ROBO1: variants seen among roughly 807,000 people sequenced by gnomAD.
The protein encoded by ROBO1 is roundabout homolog 1.
A neutral mutation model predicts 195.9 loss-of-function variants in ROBO1; 149 were observed. The ratio of observed to expected loss-of-function variants is 0.76; its 90% CI spans 0.67 to 0.87. The LOEUF (loss-of-function observed/expected upper bound fraction) is 0.87. Among genes scored for constraint, ROBO1 ranks in the 40% least tolerant of loss-of-function variants. The probability of loss-of-function intolerance (pLI) is 0.00; values close to 1 mark genes in which losing one functional copy is unlikely to be tolerated. For missense variants in ROBO1, 1,933 were observed against 2,068.3 expected, an observed-to-expected ratio of 0.93 and a Z score of 1.27; for synonymous variants, 816 against 733.2, an observed-to-expected ratio of 1.11 and a Z score of -1.82.
At chr3:79,108,803 A>G (rs2079832268) in intron 3 of ROBO1, among the ~76,000 whole-genome samples, 1 of 151,930 alleles carries the variant, frequency 6.6e-6, no homozygotes, top group Non-Finnish European at 1.5e-5. Flanking sequence ...AATTTGGCTC[A>G]GTACAGTTCT....
chr3:79,381,514 C>G (rs1283258838), intron 2 of ROBO1, among the ~76,000 whole-genome samples: 2 of 151,950 alleles, frequency 1.3e-5, no homozygotes, highest in African/African-American at 2.4e-5. Flanking sequence ...ATAGTTGTCA[C>G]TATCACTGTT....
chr3:78,886,662 C>T (rs1049169492), intron 4 of ROBO1, among the ~76,000 whole-genome samples: 1 of 151,888 alleles, frequency 6.6e-6, no homozygotes, highest in Non-Finnish European at 1.5e-5. Context: ...AGATGCCTTT[C>T]AAAAAGCGTT....
At chr3:79,590,826 TGATAGATA>T (rs770293787) in intron 1 of ROBO1, among the ~76,000 whole-genome samples, 2 of 151,536 alleles carry the variant, frequency 1.3e-5, no homozygotes, top group Admixed American at 6.6e-5. Flanking sequence ...GGTAGATAGA[TGATAGATA>T]GATAGATAGA....
chr3:78,671,871 C>T (rs1436762554), intron 10 of ROBO1, among the ~76,000 whole-genome samples: 4 of 152,148 alleles, frequency 2.6e-5, no homozygotes, highest in Non-Finnish European at 4.4e-5. Flanking sequence ...TCAATGTTCT[C>T]TATCTTTATG....
intron 2 of ROBO1, among the ~76,000 whole-genome samples, chr3:79,570,303 G>A (rs535130335): frequency 6.7e-6 from 1 of 148,512 alleles, no homozygotes; most frequent in Admixed American, 6.7e-5. Flanking sequence ...AAAAAAAACT[G>A]TTTTCTAATT....
At chr3:79,093,779 T>G (rs1644966300) in intron 3 of ROBO1, among the ~76,000 whole-genome samples, 1 of 152,038 alleles carries the variant, frequency 6.6e-6, no homozygotes, top group African/African-American at 2.4e-5. Context: ...TCTGCTCATT[T>G]AACATGCTCC....
chr3:78,972,882 A>G (rs1482413761), intron 3 of ROBO1, among the ~76,000 whole-genome samples: 1 of 152,194 alleles, frequency 6.6e-6, no homozygotes, highest in African/African-American at 2.4e-5. Flanking sequence ...GGATTTTCCT[A>G]CCTGGAGCTG....
At chr3:79,530,695 T>G (rs1258521847) in intron 2 of ROBO1, among the ~76,000 whole-genome samples, 1 of 150,934 alleles carries the variant, frequency 6.6e-6, no homozygotes, top group Non-Finnish European at 1.5e-5. Context: ...TCTACCCCAC[T>G]AAGAGTAGCC....
At chr3:79,630,166 C>A (rs1187573614) in intron 1 of ROBO1, among the ~76,000 whole-genome samples, 3 of 151,832 alleles carry the variant, frequency 2.0e-5, no homozygotes, top group Non-Finnish European at 2.9e-5. Flanking sequence ...GTCCTCAAAC[C>A]AAAACCAAGC....
At chr3:79,554,220 C>G (rs1942621234) in intron 2 of ROBO1, among the ~76,000 whole-genome samples, 1 of 151,906 alleles carries the variant, frequency 6.6e-6, no homozygotes, top group East Asian at 1.9e-4. Context: ...TATGCAATTT[C>G]ATGATACTGA....
chr3:78,667,373 GTATC>G (rs1707794976), intron 14 of ROBO1, among the ~76,000 whole-genome samples: 1 of 151,924 alleles, frequency 6.6e-6, no homozygotes, highest in Admixed American at 6.6e-5. Flanking sequence ...GGTAAATGGG[GTATC>G]TATCACCTCA....
intron 4 of ROBO1, among the ~76,000 whole-genome samples, chr3:78,901,104 C>A (rs1397757148): frequency 1.3e-5 from 2 of 152,118 alleles, no homozygotes; most frequent in Non-Finnish European, 2.9e-5. Flanking sequence ...TCTCATCTGG[C>A]CTAATGCAGT....
intron 2 of ROBO1, among the ~76,000 whole-genome samples, chr3:79,187,426 C>G (rs547013317): frequency 6.6e-6 from 1 of 152,140 alleles, no homozygotes; most frequent in Non-Finnish European, 1.5e-5. Flanking sequence ...TGAAATACTA[C>G]TTGATAGTGA....
intron 2 of ROBO1, among the ~76,000 whole-genome samples, chr3:79,575,984 G>C (rs946961155): frequency 3.3e-5 from 5 of 151,734 alleles, no homozygotes; most frequent in African/African-American, 1.2e-4. Flanking sequence ...TTGAATTTTA[G>C]TTATTTTCTT....
At chr3:79,050,173 A>T (rs1253181871) in intron 3 of ROBO1, among the ~76,000 whole-genome samples, 1 of 152,154 alleles carries the variant, frequency 6.6e-6, no homozygotes, top group Non-Finnish European at 1.5e-5. Context: ...AAACACACAT[A>T]GGCTCAAAAT....
chr3:78,753,703 C>G (rs1332427089), intron 4 of ROBO1, among the ~76,000 whole-genome samples: 2 of 152,138 alleles, frequency 1.3e-5, no homozygotes, highest in Non-Finnish European at 2.9e-5. Flanking sequence ...TGCCCCTCAA[C>G]TGGACCTGAT....
intron 2 of ROBO1, among the ~76,000 whole-genome samples, chr3:79,350,002 C>A (rs984679970): frequency 4.6e-5 from 7 of 152,094 alleles, no homozygotes; most frequent in African/African-American, 1.7e-4. Context: ...AGTGAAAACA[C>A]AACCCACGGA....
At chr3:79,142,828 G>C (rs1576729625) in intron 2 of ROBO1, among the ~76,000 whole-genome samples, 1 of 152,054 alleles carries the variant, frequency 6.6e-6, no homozygotes, top group East Asian at 1.9e-4. Context: ...AAAATCTGCT[G>C]AGTTCTATAT....
intron 4 of ROBO1, among the ~76,000 whole-genome samples, chr3:78,900,162 C>T (rs1197329589): frequency 1.3e-5 from 2 of 152,132 alleles, no homozygotes; most frequent in Non-Finnish European, 2.9e-5. Flanking sequence ...AGTTCAGTTA[C>T]ACATAACTGC....
Sources: gnomAD v4.1 joint callset for allele counts (sites outside exome capture counted in the v4.1 genomes callset) on GRCh38, gnomAD v4.1.1 for gene constraint, MANE v1.5 for transcripts, NCBI Gene and HGNC (gene_info 2026-07-23, HGNC 2026-07-21) for gene names.